Variants in ADK observed in about 807,000 individuals in gnomAD.
ADK encodes the protein N6,N6-dimethyladenosine kinase.
ADK carries 24 observed loss-of-function variants against 44.7 expected under a neutral mutation model. That is an observed-to-expected ratio of 0.54 (90% CI 0.39 to 0.76). The LOEUF (loss-of-function observed/expected upper bound fraction) is 0.76, where lower values mean the gene tolerates loss of function less well. Ranked by LOEUF, ADK falls within the 30% of genes least tolerant of loss-of-function variation. ADK has a pLI of 0.00. For missense variants in ADK, 321 were observed against 425.1 expected, an observed-to-expected ratio of 0.76 and a Z score of 2.15; for synonymous variants, 128 against 142.6, an observed-to-expected ratio of 0.90 and a Z score of 0.73.
chr10:74,186,546 C>T (rs987809956), intron 1 of ADK, among the ~76,000 whole-genome samples: 1 of 150,484 alleles, frequency 6.6e-6, no homozygotes, highest in Non-Finnish European at 1.5e-5. Context: ...CCAAGTGATC[C>T]ACCCACCTCG....
At chr10:74,260,366 C>G (rs1295234283) in intron 3 of ADK, among the ~76,000 whole-genome samples, 1 of 152,164 alleles carries the variant, frequency 6.6e-6, no homozygotes, top group African/African-American at 2.4e-5. Context: ...AACTCCTGGG[C>G]TCAAGCCATC....
rs11310691 is a variant in ADK, at chr10:74,317,563, G to GA, written c.273+2835dup. Among the ~76,000 whole-genome samples the GA allele has an allele frequency of 8.6e-3, 1,124 of 131,116 alleles. 6 individuals are homozygous for GA. Among genetic ancestry groups the GA allele is most frequent in the Middle Eastern group, 0.015 (4 of 270 alleles). The allele number at this position is 131,116 out of a possible 152,430, so 86.0% of individuals were successfully genotyped here. ...CAACATAGTGAGACCCTGTCTCTAG[G>GA]AAAAAAAAAAAAAAAAAGAAATGGA... On this transcript the variant is annotated intron_variant, in intron 4 of 10. Coordinates refer to ENST00000539909, the MANE Select transcript of ADK (RefSeq NM_006721.4).
intron 4 of ADK, among the ~76,000 whole-genome samples, chr10:74,362,508 T>C (rs187562738): frequency 1.1e-4 from 16 of 152,318 alleles, no homozygotes; most frequent in African/African-American, 3.1e-4. Context: ...GTATTTTGAA[T>C]TTTTGGAGAG....
intron 6 of ADK, among the ~76,000 whole-genome samples, chr10:74,519,414 C>T (rs1456302504): frequency 6.6e-6 from 1 of 151,880 alleles, no homozygotes; most frequent in Non-Finnish European, 1.5e-5. Context: ...ATTTAAATTA[C>T]ATTTAAAATT....
chr10:74,398,925 C>G (rs1843616876), intron 6 of ADK, among the ~76,000 whole-genome samples: 1 of 151,926 alleles, frequency 6.6e-6, no homozygotes, highest in Admixed American at 6.6e-5. Flanking sequence ...TTGCATTGTG[C>G]AGAAAAATAT....
chr10:74,346,224 A>G (rs1293651886), intron 4 of ADK, among the ~76,000 whole-genome samples: 2 of 151,994 alleles, frequency 1.3e-5, no homozygotes, highest in African/African-American at 4.8e-5. Flanking sequence ...TCCAAAGTTC[A>G]TGTTTTTTTT....
intron 6 of ADK, among the ~76,000 whole-genome samples, chr10:74,506,751 G>A (rs1471054267): frequency 6.6e-6 from 1 of 152,264 alleles, no homozygotes; most frequent in Non-Finnish European, 1.5e-5. Flanking sequence ...GTGTTTGCCT[G>A]TGTAAGTTTT....
intron 6 of ADK, among the ~76,000 whole-genome samples, chr10:74,475,156 A>C (rs1027435819): frequency 5.3e-5 from 8 of 150,324 alleles, no homozygotes; most frequent in Admixed American, 4.6e-4. Context: ...ACAAAAAAAA[A>C]CAAAACAAAA....
intron 4 of ADK, among the ~76,000 whole-genome samples, chr10:74,335,424 T>G (rs1841371887): frequency 6.6e-6 from 1 of 152,288 alleles, no homozygotes; most frequent in South Asian, 2.1e-4. Flanking sequence ...ATTCATCCAT[T>G]TGCTTTGTCA....
intron 7 of ADK, among the ~76,000 whole-genome samples, chr10:74,557,492 C>T (rs2117791): frequency 0.35 from 52,649 of 152,014 alleles, 12,734 homozygotes; most frequent in East Asian, 0.65. Context: ...ATCATAGAAA[C>T]AGATAATGCA....
intron 4 of ADK, among the ~76,000 whole-genome samples, chr10:74,351,597 G>A (rs7919517): frequency 0.13 from 19,516 of 152,076 alleles, 1,310 homozygotes; most frequent in Middle Eastern, 0.17. Context: ...GAAATAAAGC[G>A]TATTTAAATA....
intron 7 of ADK, among the ~76,000 whole-genome samples, chr10:74,561,003 AC>A (rs1191470729): frequency 6.6e-6 from 1 of 151,952 alleles, no homozygotes; most frequent in African/African-American, 2.4e-5. Flanking sequence ...ATATGTAAAG[AC>A]CCCCCTCTCC....
chr10:74,500,995 C>T (rs1847867474), intron 6 of ADK, among the ~76,000 whole-genome samples: 1 of 152,146 alleles, frequency 6.6e-6, no homozygotes, highest in African/African-American at 2.4e-5. Context: ...TCACATTTAG[C>T]TTTTATCAAA....
chr10:74,300,254 C>CT (rs398114519), intron 3 of ADK, among the ~76,000 whole-genome samples: 3 of 131,758 alleles, frequency 2.3e-5, no homozygotes, highest in African/African-American at 5.8e-5. Flanking sequence ...CTCTCTCTCT[C>CT]CTTGTTTCCT....
chr10:74,550,986 G>T (rs1318832588), intron 7 of ADK, among the ~76,000 whole-genome samples: 1 of 152,046 alleles, frequency 6.6e-6, no homozygotes, highest in Non-Finnish European at 1.5e-5. Flanking sequence ...TACAGGGATG[G>T]CATGCACCAT....
chr10:74,186,858 C>T (rs559584269), intron 1 of ADK, among the ~76,000 whole-genome samples: 1 of 152,236 alleles, frequency 6.6e-6, no homozygotes, highest in Admixed American at 6.5e-5. Flanking sequence ...AACAAGTCTT[C>T]TATTGATGGG....
intron 7 of ADK, among the ~76,000 whole-genome samples, chr10:74,581,749 C>T (rs1044848532): frequency 6.6e-6 from 1 of 152,128 alleles, no homozygotes; most frequent in Non-Finnish European, 1.5e-5. Context: ...GCAGTCTCCT[C>T]AACAGAAACA....
intron 10 of ADK, among the ~76,000 whole-genome samples, chr10:74,677,292 GAAC>G (rs1307451131): frequency 2.7e-4 from 41 of 152,094 alleles, no homozygotes; most frequent in Non-Finnish European, 5.9e-4. Flanking sequence ...GTTTAGAAAA[GAAC>G]ATTGGTTTAC....
intron 1 of ADK, among the ~76,000 whole-genome samples, chr10:74,152,529 C>T (rs1591782217): frequency 6.6e-6 from 1 of 152,164 alleles, no homozygotes; most frequent in Non-Finnish European, 1.5e-5. Flanking sequence ...CCTTATAAGG[C>T]ACCTCCTTCG....
Sources: gnomAD v4.1 joint callset for allele counts (sites outside exome capture counted in the v4.1 genomes callset) on GRCh38, gnomAD v4.1.1 for gene constraint, MANE v1.5 for transcripts, NCBI Gene and HGNC (gene_info 2026-07-23, HGNC 2026-07-21) for gene names.